EBF2: variants seen among roughly 807,000 people sequenced by gnomAD.
The protein encoded by EBF2 is EBF transcription factor 2, also known as transcription factor COE2.
In EBF2, 21 loss-of-function variants were observed where a neutral mutation model predicts 72.8. The ratio of observed to expected loss-of-function variants is 0.29; its 90% CI spans 0.20 to 0.42. The LOEUF is 0.42. Among genes scored for constraint, EBF2 ranks in the 10% least tolerant of loss-of-function variants. The pLI is 1.00. For synonymous variants in EBF2, 299 were observed against 274.2 expected (o/e 1.09, Z -0.89); for missense variants, 637 against 731.2 (o/e 0.87, Z 1.49).
intron 6 of EBF2, among the ~76,000 whole-genome samples, chr8:25,942,543 A>T (rs550293060): frequency 1.3e-5 from 2 of 152,318 alleles, no homozygotes; most frequent in Admixed American, 1.3e-4. Context: ...ATGGAGATTA[A>T]CTGCTGTCTT....
chr8:25,950,043 G>A lies in EBF2; in HGVS notation c.552-41488C>T, dbSNP rs571690265. ...ACTTGAGGAAGACAACACTGGCAGC[G>A]CTTGTCAGTCTCAGTCTAGAACCGT... On this transcript the variant is annotated intron_variant, in intron 6 of 15. Coordinates refer to ENST00000520164, the MANE Select transcript of EBF2 (RefSeq NM_022659.4). Among the ~76,000 whole-genome samples, 12 of 152,302 alleles carry A rather than the reference G, an allele frequency of 7.9e-5. No individual in the cohort carries two copies. The South Asian group carries it at 1.0e-3, about 13-fold the overall frequency.
intron 6 of EBF2, among the ~76,000 whole-genome samples, chr8:26,023,340 A>G (rs117549030): frequency 0.036 from 5,485 of 152,306 alleles, 184 homozygotes; most frequent in East Asian, 0.18. Flanking sequence ...ATTTTAGAGT[A>G]CTGTTCTTCT....
intron 5 of EBF2, among the ~76,000 whole-genome samples, chr8:26,034,398 A>G (rs941349715): frequency 3.9e-5 from 6 of 152,208 alleles, no homozygotes; most frequent in African/African-American, 1.4e-4. Flanking sequence ...TACCTGATAG[A>G]AAGACCTCAA....
chr8:26,036,628 A>T (rs1459476146), intron 5 of EBF2, among the ~76,000 whole-genome samples: 5 of 152,108 alleles, frequency 3.3e-5, no homozygotes, highest in Admixed American at 6.6e-5. Flanking sequence ...CCTGCCAGCA[A>T]TATTAGCACA....
At chr8:25,903,321 A>C (rs1427689967) in intron 7 of EBF2, among the ~76,000 whole-genome samples, 1 of 151,204 alleles carries the variant, frequency 6.6e-6, no homozygotes, top group Non-Finnish European at 1.5e-5. Context: ...GGCATGAGCC[A>C]CTGTGCCTAG....
chr8:25,936,738 T>G (rs1803586119), intron 6 of EBF2, among the ~76,000 whole-genome samples: 1 of 152,232 alleles, frequency 6.6e-6, no homozygotes, highest in Non-Finnish European at 1.5e-5. Context: ...ATGGAAGTAG[T>G]TATTTTCTGA....
intron 6 of EBF2, among the ~76,000 whole-genome samples, chr8:25,950,811 G>A (rs1203190488): frequency 1.3e-5 from 2 of 151,946 alleles, no homozygotes; most frequent in Non-Finnish European, 2.9e-5. Context: ...ATAATTCACA[G>A]GCCAGTAAAG....
intron 6 of EBF2, among the ~76,000 whole-genome samples, chr8:26,012,791 A>C (rs192667617): frequency 6.6e-6 from 1 of 152,294 alleles, no homozygotes; most frequent in African/African-American, 2.4e-5. Flanking sequence ...AGCATGTGCC[A>C]TGTACACTCA....
intron 6 of EBF2, among the ~76,000 whole-genome samples, chr8:25,979,193 C>T (rs1804318396): frequency 6.6e-6 from 1 of 152,216 alleles, no homozygotes; most frequent in Non-Finnish European, 1.5e-5. Flanking sequence ...AAAAGCATTT[C>T]TTCCACGACA....
In EBF2 at chr8:25,913,942, C is replaced by CAT. The variant is rs551517669; in HGVS notation, c.552-5389_552-5388dup. ...GCATGCCTCTGAAAAGGAGATGGCC[C>CAT]ATTTCCCTTAAAACACTCTCATACC... On this transcript the variant is annotated intron_variant, in intron 6 of 15. Transcript: ENST00000520164. Among the ~76,000 whole-genome samples, 41 of 152,296 alleles carry CAT rather than the reference C, an allele frequency of 2.7e-4. No individual in the cohort carries two copies. The East Asian group carries it at 7.3e-3, about 27-fold the overall frequency.
At chr8:25,966,499 T>C (rs1192414880) in intron 6 of EBF2, among the ~76,000 whole-genome samples, 1 of 152,176 alleles carries the variant, frequency 6.6e-6, no homozygotes, top group Non-Finnish European at 1.5e-5. Flanking sequence ...GAAACGGAAC[T>C]GTAGATGCAA....
intron 15 of EBF2, among the ~76,000 whole-genome samples, chr8:25,849,378 C>A (rs988289042): frequency 2.0e-5 from 3 of 152,126 alleles, no homozygotes; most frequent in African/African-American, 7.2e-5. Flanking sequence ...TCACACGTGT[C>A]CCAAAAGAAT....
At chr8:25,942,269 T>C (rs533531516) in intron 6 of EBF2, among the ~76,000 whole-genome samples, 1 of 152,380 alleles carries the variant, frequency 6.6e-6, no homozygotes, top group Non-Finnish European at 1.5e-5. Flanking sequence ...GGTACAAATG[T>C]ATGGAGTACA....
intron 6 of EBF2, among the ~76,000 whole-genome samples, chr8:25,964,623 T>G (rs1411765657): frequency 6.6e-6 from 1 of 152,220 alleles, no homozygotes; most frequent in Non-Finnish European, 1.5e-5. Context: ...GTGGGTGTCC[T>G]GGACACGGTC....
chr8:26,005,561 T>TATATATATATAGAGAG (rs375386709), intron 6 of EBF2, among the ~76,000 whole-genome samples: 82 of 63,896 alleles, frequency 1.3e-3, no homozygotes, highest in South Asian at 2.9e-3. Context: ...TATATATATA[T>TATATATATATAGAGAG]AGAGAGAGAG....
intron 14 of EBF2, among the ~76,000 whole-genome samples, chr8:25,852,501 G>C (rs925980927): frequency 3.3e-5 from 5 of 152,128 alleles, no homozygotes; most frequent in Admixed American, 6.6e-5. Context: ...CAATGTGAAT[G>C]AGGCATTCAC....
At chr8:26,002,635 G>C (rs936821006) in intron 6 of EBF2, among the ~76,000 whole-genome samples, 2 of 152,172 alleles carry the variant, frequency 1.3e-5, no homozygotes, top group Non-Finnish European at 2.9e-5. Context: ...AGTAAATACT[G>C]CAGGATGGAA....
At chr8:26,027,322 G>T (rs892393318) in intron 6 of EBF2, among the ~76,000 whole-genome samples, 4 of 152,052 alleles carry the variant, frequency 2.6e-5, no homozygotes, top group African/African-American at 7.2e-5. Context: ...ACTTCATGAG[G>T]CAGAGAAAGG....
intron 6 of EBF2, among the ~76,000 whole-genome samples, chr8:26,018,153 G>A (rs997745957): frequency 3.3e-5 from 5 of 151,548 alleles, no homozygotes; most frequent in Non-Finnish European, 5.9e-5. Flanking sequence ...CAAACAAATG[G>A]CCCATTGAGA....
Sources: allele counts gnomAD v4.1 joint callset (sites outside exome capture counted in the v4.1 genomes callset), GRCh38; gene constraint gnomAD v4.1.1; transcripts MANE v1.5; gene names NCBI Gene and HGNC (gene_info 2026-07-23, HGNC 2026-07-21).